The following KLHL12 variants were observed in gnomAD, a reference collection of about 807,000 sequenced individuals.
KLHL12 encodes kelch like family member 12, also known as kelch-like protein 12.
In KLHL12, 17 loss-of-function variants were observed where a neutral mutation model predicts 60.8. The observed-to-expected ratio is 0.28, with a 90% CI of 0.19 to 0.42. The LOEUF is 0.42. Ranked by LOEUF, KLHL12 falls within the 10% of genes least tolerant of loss-of-function variation. KLHL12 has a pLI of 1.00. For missense variants in KLHL12, 468 were observed against 722.3 expected (o/e 0.65, Z 4.04); for synonymous variants, 220 against 250.9 (o/e 0.88, Z 1.16).
rs559137185 is a variant in KLHL12, at chr1:202,910,454, A to G, written c.717+600T>C. On this transcript the variant is annotated intron_variant, in intron 5 of 11. Transcript: ENST00000367261. ...GAAAAACTGTTTGTAGTTAACTAAGAGATCTAGGGCTGGGCCAGCAAGAGG... is the reference window on the plus strand; with the variant it reads ...GAAAAACTGTTTGTAGTTAACTAAGGGATCTAGGGCTGGGCCAGCAAGAGG... Among the ~76,000 whole-genome samples, 7 of 152,362 alleles carry G rather than the reference A, an allele frequency of 4.6e-5. No homozygotes were observed. In the East Asian group the frequency reaches 1.3e-3, roughly 29 times the overall value.
intron 4 of KLHL12, among the ~76,000 whole-genome samples, chr1:202,911,441 C>T (rs183465315): frequency 8.3e-6 from 1 of 120,412 alleles, no homozygotes; most frequent in East Asian, 2.2e-4. Context: ...TACACACACA[C>T]ATATATATAT....
chr1:202,906,819 A>G (rs1660207979), intron 6 of KLHL12, among the ~76,000 whole-genome samples: 1 of 151,854 alleles, frequency 6.6e-6, no homozygotes, highest in African/African-American at 2.4e-5. Flanking sequence ...GCACCACCAC[A>G]CTCAGCTAAT....
upstream of KLHL12, chr1:202,928,543 C>T (rs992692964): frequency 7.7e-7 from 1 of 1,304,124 alleles, no homozygotes; most frequent in African/African-American, 1.5e-5. Flanking sequence ...AATTTATTCA[C>T]GTCCATTGTC....
At chr1:202,925,234 G>A in intron 1 of KLHL12, 27 bp from the exon 2 acceptor site, 24 of 1,594,984 alleles carry the variant, frequency 1.5e-5, no homozygotes, top group Non-Finnish European at 2.0e-5. Flanking sequence ...AAAACAATGA[G>A]CATATTCAAA....
upstream of KLHL12, chr1:202,928,558 A>G: frequency 7.7e-7 from 1 of 1,303,862 alleles, no homozygotes; most frequent in Non-Finnish European, 1.0e-6. Context: ...ATTGTCCACA[A>G]TGGCCTTTTC....
intron 2 of KLHL12, among the ~76,000 whole-genome samples, 190 bp downstream of exon 2, chr1:202,924,777 AC>A (rs1653444326): frequency 6.6e-6 from 1 of 152,190 alleles, no homozygotes; most frequent in Non-Finnish European, 1.5e-5. Flanking sequence ...GTTACATATT[AC>A]TATTATCCCT....
chr1:202,910,818 C>G (rs1660329994), intron 5 of KLHL12, among the ~76,000 whole-genome samples: 1 of 152,088 alleles, frequency 6.6e-6, no homozygotes. Context: ...GTAAAACAGA[C>G]AGCAAAACAC....
chr1:202,904,681 C>G (rs1340538257), intron 6 of KLHL12, among the ~76,000 whole-genome samples: 1 of 152,100 alleles, frequency 6.6e-6, no homozygotes, highest in African/African-American at 2.4e-5. Flanking sequence ...AACTGAAGAA[C>G]CTGGCAGTGG....
chr1:202,895,375 CAGAG>C lies in KLHL12; in HGVS notation c.1135+143_1135+146del, dbSNP rs935037122. On this transcript the variant is annotated intron_variant, in intron 8 of 11. Transcript: ENST00000367261. This position sits in a 1 kb window ranked among gnomAD's most constrained non-coding sequence, Gnocchi z 4.2. ...CACCACTGCACTCCAGCCTGGGCAA[CAGAG>C]AGAGACCCTGTCTCAAATAATAATA... The C allele has an allele frequency of 2.0e-5, 14 of 712,328 alleles. No homozygotes were observed. The highest frequency in any genetic ancestry group is 1.8e-4 in the African/African-American group (10 of 55,704). The allele number at this position is 712,328 out of a possible 1,614,324, so 44.1% of individuals were successfully genotyped here. A position where few individuals can be genotyped will look rare whatever the true frequency, so the allele number is the denominator to read the frequency against.
intron 2 of KLHL12, among the ~76,000 whole-genome samples, chr1:202,920,757 G>A (rs1276669334): frequency 6.6e-6 from 1 of 152,090 alleles, no homozygotes; most frequent in Non-Finnish European, 1.5e-5. Context: ...CTATACGCCA[G>A]GAATAAGTAA....
At position 202,909,317 on chromosome 1, in the gene KLHL12, T is replaced by C. The variant is rs947354951; in HGVS notation, c.718-193A>G. ...TGATTTTTAAAATTTACTTGAAAAA[T>C]AGATAACATACTAGATGGATCAAAA... On this transcript the variant is annotated intron_variant, in intron 5 of 11. Coordinates refer to ENST00000367261, the MANE Select transcript of KLHL12 (RefSeq NM_021633.4). The surrounding 1 kb of genome is among the most constrained non-coding windows in gnomAD (Gnocchi z 4.1). 1.3e-5 allele frequency among the ~76,000 whole-genome samples: 2 copies of C among 150,760 alleles called. No individual in the cohort carries two copies. Among genetic ancestry groups the C allele is most frequent in the African/African-American group, 4.9e-5 (2 of 40,706 alleles).
intron 6 of KLHL12, among the ~76,000 whole-genome samples, chr1:202,907,089 GAT>G (rs1157005311): frequency 6.6e-6 from 1 of 152,056 alleles, no homozygotes; most frequent in Non-Finnish European, 1.5e-5. Context: ...ATCTTGTGTT[GAT>G]ATGTATCTGT....
chr1:202,925,732 A>C (rs1653513742), intron 1 of KLHL12, among the ~76,000 whole-genome samples: 2 of 152,244 alleles, frequency 1.3e-5, no homozygotes, highest in South Asian at 4.1e-4. Context: ...AAGGCCACTC[A>C]GTAAAAATAA....
intron 3 of KLHL12, 113 bp from the exon 4 acceptor site, chr1:202,918,501 A>T: frequency 1.9e-5 from 15 of 778,512 alleles, no homozygotes; most frequent in Non-Finnish European, 2.8e-5. Flanking sequence ...CCCTTGTTTC[A>T]ACACCTAAGA....
intron 6 of KLHL12, among the ~76,000 whole-genome samples, chr1:202,905,198 A>G (rs760136279): frequency 1.3e-5 from 2 of 152,256 alleles, no homozygotes; most frequent in Non-Finnish European, 2.9e-5. Context: ...GGTCAGGGCA[A>G]TAAGCAAGTT....
rs1348269438 is a variant in KLHL12, at chr1:202,894,166, CCTCAGATCTGG to C, written c.1393+7_1393+17del. The C allele has an allele frequency of 1.0e-5, 15 of 1,439,344 alleles. No homozygotes were observed. Among genetic ancestry groups the C allele is most frequent in the Non-Finnish European group, 1.4e-5 (15 of 1,044,764 alleles). The allele number at this position is 1,439,344 out of a possible 1,614,324, so 89.2% of individuals were successfully genotyped here. ...TGACAGCATCGCCTATTGTCCCCTC[CCTCAGATCTGG>C]TCTTACCAGAACGCTTGGTGGCCAT... On this transcript the variant is annotated splice_region_variant and intron_variant, in intron 10 of 11. Coordinates refer to ENST00000367261, the MANE Select transcript of KLHL12 (RefSeq NM_021633.4).
chr1:202,921,177 A>ATTTTTTT (rs568392113), intron 2 of KLHL12, among the ~76,000 whole-genome samples: 1 of 135,158 alleles, frequency 7.4e-6, no homozygotes. Context: ...CAACCAGCTA[A>ATTTTTTT]TTTTTTTTTT....
At chr1:202,898,030 T>A (rs1659895886) in intron 6 of KLHL12, among the ~76,000 whole-genome samples, 1 of 152,180 alleles carries the variant, frequency 6.6e-6, no homozygotes, top group Non-Finnish European at 1.5e-5. Context: ...ACAGCCTTTA[T>A]ATCTTCCCCT....
chr1:202,915,648 A>T (rs1660501237), intron 4 of KLHL12, among the ~76,000 whole-genome samples: 2 of 152,256 alleles, frequency 1.3e-5, no homozygotes, highest in Non-Finnish European at 2.9e-5. Context: ...AACTGAAAAC[A>T]TGACGAGCTC....
Sources: allele counts gnomAD v4.1 joint callset (sites outside exome capture counted in the v4.1 genomes callset), GRCh38; gene constraint gnomAD v4.1.1; non-coding constraint Gnocchi (gnomAD v3.1); transcripts MANE v1.5; gene names NCBI Gene and HGNC (gene_info 2026-07-23, HGNC 2026-07-21).